SVIL: variants seen among roughly 807,000 people sequenced by gnomAD.
The protein encoded by SVIL is archvillin.
SVIL carries 101 observed loss-of-function variants against 240.4 expected under a neutral mutation model. The ratio of observed to expected loss-of-function variants is 0.42; its 90% confidence interval spans 0.36 to 0.50. The LOEUF is 0.50. Among genes scored for constraint, SVIL ranks in the 20% least tolerant of loss-of-function variants. The pLI is 0.01. For synonymous variants in SVIL, 999 were observed against 1,100.0 expected, an observed-to-expected ratio of 0.91 and a Z score of 1.82; for missense variants, 2,512 against 2,818.7, an observed-to-expected ratio of 0.89 and a Z score of 2.46.
rs569804310 is a variant in SVIL at position 29,726,452 on chromosome 10, C to T, written c.-400+9299G>A. On this transcript the variant is annotated intron_variant, in intron 1 of 35. Transcript: ENST00000375400. ...CCTATCAAGGCTTCCACTTAAAAAG[C>T]TGTGCTAACTGTGGCCGGGCACGGT... Among the ~76,000 whole-genome samples the T allele has an allele frequency of 4.1e-4, 62 of 152,238 alleles. No individual in the cohort carries two copies. In the Middle Eastern group the frequency reaches 0.01, roughly 25 times the overall value.
intron 1 of SVIL, among the ~76,000 whole-genome samples, chr10:29,630,548 G>A (rs1375247469): frequency 6.6e-6 from 1 of 152,066 alleles, no homozygotes; most frequent in African/African-American, 2.4e-5. Context: ...GACTGTATGG[G>A]TAAAACACTT....
chr10:29,730,973 G>A (rs1539535), intron 1 of SVIL, among the ~76,000 whole-genome samples: 122,268 of 152,126 alleles, frequency 0.8, 49,657 homozygotes, highest in East Asian at 0.95. Context: ...CTAGGTAGAG[G>A]CACAATACGA....
chr10:29,492,419 C>G (rs1214603798), intron 21 of SVIL, among the ~76,000 whole-genome samples: 1 of 152,096 alleles, frequency 6.6e-6, no homozygotes, highest in East Asian at 1.9e-4. Flanking sequence ...CAAAGGAAAA[C>G]AGCCAAGACA....
chr10:29,663,754 C>T (rs528121954), intron 2 of SVIL, among the ~76,000 whole-genome samples: 5 of 152,332 alleles, frequency 3.3e-5, no homozygotes, highest in Middle Eastern at 3.4e-3. Context: ...TTCAGTGTTT[C>T]ATGGGCATGA....
chr10:29,624,256 A>G (rs1957779125), intron 1 of SVIL, among the ~76,000 whole-genome samples: 1 of 152,124 alleles, frequency 6.6e-6, no homozygotes, highest in African/African-American at 2.4e-5. Context: ...CCCAGTTTAA[A>G]AACCATCTGC....
At chr10:29,729,450 GGTGTGTGTGTGTGT>G (rs55940009) in intron 1 of SVIL, among the ~76,000 whole-genome samples, 26,187 of 136,746 alleles carry the variant, frequency 0.19, 2,816 homozygotes, top group Admixed American at 0.26. Flanking sequence ...TGTTTATGGA[GGTGTGTGTGTGTGT>G]GTGTGTGTGT....
At chr10:29,704,454 C>G (rs76293584) in intron 1 of SVIL, among the ~76,000 whole-genome samples, 27,246 of 151,986 alleles carry the variant, frequency 0.18, 2,560 homozygotes, top group Admixed American at 0.23. Context: ...TAGAGATAGG[C>G]TCTCACTACA....
At chr10:29,554,519 T>C (rs976420188) in intron 5 of SVIL, among the ~76,000 whole-genome samples, 33 of 151,848 alleles carry the variant, frequency 2.2e-4, no homozygotes, top group African/African-American at 8.0e-4. Flanking sequence ...GGTGTGGTGG[T>C]GTAAGCCTGT....
intron 28 of SVIL, 65 bp from the exon 29 acceptor site, chr10:29,480,878 A>G: frequency 1.9e-6 from 3 of 1,539,770 alleles, no homozygotes; most frequent in Non-Finnish European, 2.6e-6. Context: ...TGTCATGCTC[A>G]ATGCTGCTTC....
chr10:29,680,496 C>A (rs189151527), intron 2 of SVIL, among the ~76,000 whole-genome samples: 2 of 152,332 alleles, frequency 1.3e-5, no homozygotes, highest in East Asian at 3.9e-4. Flanking sequence ...GGGATGGGAG[C>A]CTGCACCAAA....
chr10:29,596,822 G>A (rs928127621), intron 1 of SVIL, among the ~76,000 whole-genome samples: 2 of 152,192 alleles, frequency 1.3e-5, no homozygotes, highest in Non-Finnish European at 2.9e-5. Flanking sequence ...TCTTCACACC[G>A]CATAAATGGA....
intron 1 of SVIL, among the ~76,000 whole-genome samples, chr10:29,597,652 G>A (rs1372519358): frequency 2.0e-5 from 3 of 151,882 alleles, no homozygotes; most frequent in East Asian, 2.0e-4. Context: ...CACCAGCCGC[G>A]GCCTCCCAAA....
At chr10:29,640,152 C>G (rs147297842) in intron 3 of SVIL, among the ~76,000 whole-genome samples, 11 of 152,132 alleles carry the variant, frequency 7.2e-5, no homozygotes, top group Admixed American at 6.5e-4. Flanking sequence ...TCCTCTCCCC[C>G]AGCCCCATGT....
rs942897260 is a variant in SVIL, at chr10:29,526,981, C to A, written c.2322G>T (p.Arg774Ser). 1.9e-6 allele frequency: 3 copies of A among 1,608,802 alleles called. No homozygotes were observed. Among genetic ancestry groups the A allele is most frequent in the Non-Finnish European group, 2.5e-6 (3 of 1,178,154 alleles). The change falls in exon 13 of 38, where the codon AGG becomes AGT. Residue 774 changes from arginine to serine, a missense_variant. This residue lies in a region of SVIL where 1,443 missense variants were observed against 1,486.6 expected (regional missense o/e 0.97). Transcript: ENST00000355867. Reference sequence around the variant, plus strand: ...AGTACCTGGCAGGCTGCACAGCGCTCCTAGCTACAGTGGGGCTAGGAAGTC... The same window carrying A: ...AGTACCTGGCAGGCTGCACAGCGCTACTAGCTACAGTGGGGCTAGGAAGTC... Reference protein sequence around the residue: ...MARLPSPTVARSAVQPARLQA... With the variant: ...MARLPSPTVASSAVQPARLQA...
intron 17 of SVIL, among the ~76,000 whole-genome samples, chr10:29,501,165 C>A (rs1948860413): frequency 6.6e-6 from 1 of 150,558 alleles, no homozygotes; most frequent in Non-Finnish European, 1.5e-5. Context: ...ATATGACAAC[C>A]AAACGCGATG....
intron 36 of SVIL, chr10:29,458,871 A>C: frequency 5.0e-6 from 1 of 198,656 alleles, no homozygotes; most frequent in Non-Finnish European, 1.0e-5. Context: ...CAGTGGTGCA[A>C]TCATAGCTCA....
At chr10:29,474,533 C>T (rs566968800) in intron 29 of SVIL, among the ~76,000 whole-genome samples, 18 of 151,778 alleles carry the variant, frequency 1.2e-4, no homozygotes, top group Admixed American at 2.0e-4. Context: ...AGTTTGAGAC[C>T]GCAGTTAGCC....
intron 2 of SVIL, among the ~76,000 whole-genome samples, chr10:29,659,757 G>A (rs751906146): frequency 3.9e-5 from 6 of 152,168 alleles, no homozygotes; most frequent in Admixed American, 6.5e-5. Context: ...AGATGGTTGC[G>A]GTAAACACAG....
chr10:29,586,991 T>C (rs750594526), intron 1 of SVIL, among the ~76,000 whole-genome samples: 1 of 152,184 alleles, frequency 6.6e-6, no homozygotes, highest in African/African-American at 2.4e-5. Flanking sequence ...CAAACCCCCA[T>C]AACACATGTT....
Sources: gnomAD v4.1 joint callset for allele counts (sites outside exome capture counted in the v4.1 genomes callset) on GRCh38, gnomAD v4.1.1 for gene constraint, gnomAD v4.1.1 regional missense constraint, MANE v1.5 for transcripts, NCBI Gene and HGNC (gene_info 2026-07-23, HGNC 2026-07-21) for gene names.